The following ATXN7 variants were observed in gnomAD, a reference collection of about 807,000 sequenced individuals.
ATXN7 encodes the protein ataxin-7.
A neutral mutation model predicts 70.5 loss-of-function variants in ATXN7; 12 were observed. That is an observed-to-expected ratio of 0.17 (90% confidence interval 0.11 to 0.28). The LOEUF is 0.28. Among genes scored for constraint, ATXN7 ranks in the 10% least tolerant of loss-of-function variants. The pLI is 1.00. For synonymous variants in ATXN7, 498 were observed against 448.7 expected, an observed-to-expected ratio of 1.11 and a Z score of -1.39; for missense variants, 1,256 against 1,131.7, an observed-to-expected ratio of 1.11 and a Z score of -1.58.
intron 5 of ATXN7, among the ~76,000 whole-genome samples, chr3:63,976,290 C>T (rs2075386836): frequency 1.3e-5 from 2 of 152,196 alleles, no homozygotes; most frequent in Non-Finnish European, 2.9e-5. Flanking sequence ...TTCTTGCTTT[C>T]TTGTGGGGGG....
intron 1 of ATXN7, among the ~76,000 whole-genome samples, chr3:63,892,491 ACACC>A (rs1305274117): frequency 0.013 from 1,956 of 148,526 alleles, 56 homozygotes; most frequent in African/African-American, 0.045. Context: ...ACACACACAC[ACACC>A]CACACACACA....
rs953825601 is a variant in ATXN7, at chr3:64,000,224, T to C, written c.*757T>C. 1.4e-5 allele frequency: 2 copies of C among 146,800 alleles called. No homozygotes were observed. Among genetic ancestry groups the C allele is most frequent in the Non-Finnish European group, 3.0e-5 (2 of 67,492 alleles). The allele number at this position is 146,800 out of a possible 1,614,324, so 9.1% of individuals were successfully genotyped here. On this transcript the variant is annotated 3_prime_UTR_variant, in exon 13 of 13. Transcript: ENST00000674280. Reference sequence around the variant, plus strand: ...ACAAAAGCAATTCTGTGTGATTTTTTTTTTTAAGAAGAAAGAAAATGCAAG... The same window carrying C: ...ACAAAAGCAATTCTGTGTGATTTTTCTTTTTAAGAAGAAAGAAAATGCAAG...
chr3:63,874,166 A>T (rs527617067), intron 1 of ATXN7, among the ~76,000 whole-genome samples: 1 of 152,368 alleles, frequency 6.6e-6, no homozygotes, highest in East Asian at 1.9e-4. Context: ...AAAGAAAAGC[A>T]TATAGACTCT....
upstream of ATXN7, chr3:63,863,701 G>T: frequency 8.0e-7 from 1 of 1,242,566 alleles, no homozygotes; most frequent in Non-Finnish European, 1.0e-6. Context: ...AGCGGGCCGG[G>T]AGGCCAGGGG....
chr3:63,924,149 G>T (rs1704613446), intron 4 of ATXN7, among the ~76,000 whole-genome samples: 1 of 152,178 alleles, frequency 6.6e-6, no homozygotes, highest in South Asian at 2.1e-4. Context: ...TGAAAAATTG[G>T]ATGTGGATGA....
chr3:63,990,054 C>G (rs2075644075), intron 9 of ATXN7, 122 bp from the exon 10 acceptor site: 5 of 845,582 alleles, frequency 5.9e-6, no homozygotes, highest in Non-Finnish European at 7.3e-6. Flanking sequence ...TGTTTTCCCC[C>G]AGTGCTAGAG....
At chr3:63,871,208 T>C (rs1228021701) in intron 1 of ATXN7, among the ~76,000 whole-genome samples, 2 of 152,204 alleles carry the variant, frequency 1.3e-5, no homozygotes, top group Non-Finnish European at 2.9e-5. Flanking sequence ...ATTTGGGTAT[T>C]GTAGGATTTT....
intron 5 of ATXN7, among the ~76,000 whole-genome samples, chr3:63,978,572 A>G (rs1281740605): frequency 1.3e-5 from 2 of 152,242 alleles, no homozygotes; most frequent in Admixed American, 6.5e-5. Context: ...AATTTATTTT[A>G]GTTTTTTATT....
rs369761983 is a variant in ATXN7, at chr3:63,996,403, G to C, written c.2581G>C (p.Ala861Pro). The change falls in exon 12 of 13, where the codon GCC (alanine) becomes CCC (proline). Residue 861 changes from alanine to proline, a missense_variant. Physicochemically the swap from Ala to Pro is conservative, Grantham distance 27 (BLOSUM62 -1). Transcript: ENST00000674280. ...ACCCACAAAGGTTGCCAAAGTGCCA[G>C]CCGTGAACAATGTCCACATGAAACA... ...SKPTKVAKVP[A>P]VNNVHMKHTG... The C allele has an allele frequency of 1.5e-5, 24 of 1,614,038 alleles. No homozygotes were observed. The African/African-American group carries it at 2.3e-4, about 15-fold the overall frequency.
intron 7 of ATXN7, 150 bp from the exon 8 acceptor site, chr3:63,982,789 C>CA: frequency 1.5e-6 from 1 of 655,490 alleles, no homozygotes; most frequent in African/African-American, 1.8e-5. Context: ...TTGCAGCACT[C>CA]ACACGTTGTA....
chr3:63,967,862 TGCAAGCCTGCAGTA>T, intron 5 of ATXN7: 2 of 1,534,326 alleles, frequency 1.3e-6, no homozygotes, highest in South Asian at 1.2e-5. Flanking sequence ...CAAATCATGA[TGCAAGCCTGCAGTA>T]GCAAGTGTGC....
chr3:63,884,203 GCACACACACA>G (rs57391192), intron 1 of ATXN7, among the ~76,000 whole-genome samples: 4,171 of 142,962 alleles, frequency 0.029, 169 homozygotes, highest in African/African-American at 0.093. Flanking sequence ...AATAACATGC[GCACACACACA>G]CACACACACA....
At chr3:63,910,810 T>A (rs940474920) in intron 2 of ATXN7, among the ~76,000 whole-genome samples, 4 of 152,156 alleles carry the variant, frequency 2.6e-5, no homozygotes, top group African/African-American at 9.7e-5. Context: ...TATTTCTAAA[T>A]CTTTCTAAAA....
At chr3:63,979,458 T>C (rs749211472) in intron 5 of ATXN7, among the ~76,000 whole-genome samples, 2 of 152,204 alleles carry the variant, frequency 1.3e-5, no homozygotes, top group Non-Finnish European at 2.9e-5. Context: ...AAGGTACAAC[T>C]TGTTTCTTAA....
intron 1 of ATXN7, among the ~76,000 whole-genome samples, chr3:63,868,471 CAT>C (rs922188416): frequency 1.3e-5 from 2 of 152,160 alleles, no homozygotes; most frequent in East Asian, 1.9e-4. Context: ...TCTGAGGAAA[CAT>C]GTATATTCAT....
chr3:63,963,472 T>C (rs939483708), intron 5 of ATXN7, among the ~76,000 whole-genome samples: 1 of 152,228 alleles, frequency 6.6e-6, no homozygotes, highest in Admixed American at 6.5e-5. Flanking sequence ...CTATAAATCA[T>C]ACATGCTGCA....
At position 63,946,535 on chromosome 3, in the gene ATXN7, C is replaced by G. The variant is rs182975904; in HGVS notation, c.395-5844C>G. Among the ~76,000 whole-genome samples, 777 of 151,834 alleles carry G rather than the reference C, an allele frequency of 5.1e-3. 5 individuals are homozygous for G. The highest frequency in any genetic ancestry group is 0.018 in the African/African-American group (739 of 41,412). On this transcript the variant is annotated intron_variant, in intron 4 of 12. Coordinates refer to ENST00000674280, the MANE Select transcript of ATXN7 (RefSeq NM_001377405.1). ...GTGGGCGCCTGTAGTCCCAGCTACT[C>G]CAGAGGCTGAGGCAGGAGAATGGCG...
At chr3:63,944,853 G>T (rs1445859999) in intron 4 of ATXN7, among the ~76,000 whole-genome samples, 3 of 151,992 alleles carry the variant, frequency 2.0e-5, no homozygotes, top group Admixed American at 2.0e-4. Flanking sequence ...GTGCAGTGGC[G>T]CAGTCTCAGC....
At chr3:63,952,684 A>G (rs1054765777) in intron 5 of ATXN7, among the ~76,000 whole-genome samples, 1 of 152,004 alleles carries the variant, frequency 6.6e-6, no homozygotes, top group Non-Finnish European at 1.5e-5. Flanking sequence ...GAATTTTTTG[A>G]CTTTTATTGA....
Sources: allele counts gnomAD v4.1 joint callset (sites outside exome capture counted in the v4.1 genomes callset), GRCh38; gene constraint gnomAD v4.1.1; transcripts MANE v1.5; gene names NCBI Gene and HGNC (gene_info 2026-07-23, HGNC 2026-07-21).